Variants in RAD18 observed in about 807,000 individuals in gnomAD.
RAD18 encodes RAD18 E3 ubiquitin protein ligase.
In RAD18, 47 loss-of-function variants were observed where a neutral mutation model predicts 60.4. That is an observed-to-expected ratio of 0.78 (90% CI 0.62 to 0.99). RAD18 has a LOEUF of 0.99. Ranked by LOEUF, RAD18 falls within the 50% of genes least tolerant of loss-of-function variation. The pLI, the probability that RAD18 is intolerant of heterozygous loss-of-function variation, is 0.00. For missense variants in RAD18, 640 were observed against 593.3 expected, an observed-to-expected ratio of 1.08 and a Z score of -0.82; for synonymous variants, 225 against 195.5, an observed-to-expected ratio of 1.15 and a Z score of -1.26.
At chr3:8,918,196 T>C (rs531997189) in intron 7 of RAD18, among the ~76,000 whole-genome samples, 1 of 151,800 alleles carries the variant, frequency 6.6e-6, no homozygotes, top group East Asian at 2.0e-4. Flanking sequence ...CTCATGCCTG[T>C]AGTCCCAGCT....
chr3:8,949,648 C>T (rs1940897476), intron 2 of RAD18, among the ~76,000 whole-genome samples: 1 of 151,454 alleles, frequency 6.6e-6, no homozygotes, highest in Non-Finnish European at 1.5e-5. Flanking sequence ...ACAGGGCAAA[C>T]TGCTCTCCCC....
In RAD18 at chr3:8,881,357, T is replaced by C. The variant is rs373218575; in HGVS notation, c.1488A>G (p.Ter496=). ...IEPRNKRNRN[*] Reference sequence around the variant, plus strand: ...TTTGAAAAGTCAGCAAAAGCCCACATTAATTCCTATTACGCTTGTTTCTTG... The same window carrying C: ...TTTGAAAAGTCAGCAAAAGCCCACACTAATTCCTATTACGCTTGTTTCTTG... The change falls in exon 13 of 13, where the codon TAA becomes TAG. Residue 496 remains the stop codon, a stop_retained_variant. Transcript: ENST00000264926. The C allele has an allele frequency of 1.9e-6, 3 of 1,596,154 alleles. No homozygotes were observed. Among genetic ancestry groups the C allele is most frequent in the Non-Finnish European group, 2.6e-6 (3 of 1,164,430 alleles).
intron 11 of RAD18, among the ~76,000 whole-genome samples, chr3:8,896,147 C>T (rs917854561): frequency 2.0e-5 from 3 of 152,190 alleles, no homozygotes; most frequent in Non-Finnish European, 4.4e-5. Flanking sequence ...GGTTTTCTGT[C>T]CAGGAGACAT....
intron 7 of RAD18, among the ~76,000 whole-genome samples, chr3:8,934,155 C>T (rs961986476): frequency 7.2e-5 from 11 of 152,062 alleles, no homozygotes; most frequent in Non-Finnish European, 7.4e-5. Context: ...CCAGATAAAC[C>T]GTACATCAAA....
chr3:8,910,173 G>A (rs867498400), intron 9 of RAD18, among the ~76,000 whole-genome samples: 2 of 152,186 alleles, frequency 1.3e-5, no homozygotes, highest in African/African-American at 4.8e-5. Flanking sequence ...TAGGAGAGAC[G>A]TTCTTGAGAA....
intron 7 of RAD18, among the ~76,000 whole-genome samples, chr3:8,932,416 C>T (rs1371254902): frequency 1.3e-5 from 2 of 152,122 alleles, no homozygotes; most frequent in Non-Finnish European, 2.9e-5. Context: ...AGACAGCAGA[C>T]ACCACTAGTC....
intron 6 of RAD18, among the ~76,000 whole-genome samples, chr3:8,936,519 T>G (rs1940655420): frequency 6.6e-6 from 1 of 152,214 alleles, no homozygotes; most frequent in Non-Finnish European, 1.5e-5. Flanking sequence ...CTTAGTGAGT[T>G]TTAATTCATT....
At chr3:8,917,609 T>C (rs764130923) in intron 7 of RAD18, among the ~76,000 whole-genome samples, 1 of 151,820 alleles carries the variant, frequency 6.6e-6, no homozygotes, top group Non-Finnish European at 1.5e-5. Context: ...CTGCAAACCC[T>C]AGAGAGAACA....
Position 8,948,583 on chromosome 3 carries a change from A to C in RAD18, c.134-13T>G. On this transcript the variant is annotated splice_polypyrimidine_tract_variant and intron_variant, in intron 2 of 12. Transcript: ENST00000264926. ...CAGAGAGAGCAGTCTGCAAAACACA[A>C]AGTGCAACATAATGTTAATTAAGCT... 1 of 1,597,180 alleles carries C rather than the reference A, an allele frequency of 6.3e-7. No homozygotes were observed. Among genetic ancestry groups the C allele is most frequent in the African/African-American group, 1.3e-5 (1 of 74,624 alleles).
At chr3:8,889,926 G>A (rs1229725593) in intron 12 of RAD18, among the ~76,000 whole-genome samples, 1 of 152,114 alleles carries the variant, frequency 6.6e-6, no homozygotes, top group Non-Finnish European at 1.5e-5. Context: ...ACCTTTTCCA[G>A]GTTTAGATAC....
intron 9 of RAD18, among the ~76,000 whole-genome samples, chr3:8,906,797 T>TTTG (rs1553625089): frequency 6.6e-6 from 1 of 150,436 alleles, no homozygotes; most frequent in Non-Finnish European, 1.5e-5. Context: ...GGAAACAGTT[T>TTTG]TTTTTTTTTT....
chr3:8,917,405 T>C (rs1940223294), intron 7 of RAD18, among the ~76,000 whole-genome samples: 1 of 152,168 alleles, frequency 6.6e-6, no homozygotes, highest in South Asian at 2.1e-4. Context: ...AATATACTTT[T>C]TTCTCGTTTT....
chr3:8,938,807 C>T (rs1475575441), intron 6 of RAD18, among the ~76,000 whole-genome samples: 1 of 152,194 alleles, frequency 6.6e-6, no homozygotes, highest in Non-Finnish European at 1.5e-5. Flanking sequence ...CCCTTCATCA[C>T]CAGACTCATC....
chr3:8,963,350 G>C lies in RAD18; in HGVS notation c.36C>G (p.Gly12=), dbSNP rs112870242. ...DSLAESRWPP[G]LAVMKTIDDL... Reference sequence around the variant, plus strand: ...AAGCACTCACCTTCATGACTGCCAGGCCCGGAGGCCACCGAGACTCGGCCA... The same window carrying C: ...AAGCACTCACCTTCATGACTGCCAGCCCCGGAGGCCACCGAGACTCGGCCA... Residue 12 remains glycine (G), a synonymous_variant, in exon 1 of 13, where the codon GGC becomes GGG. Coordinates refer to ENST00000264926, the MANE Select transcript of RAD18 (RefSeq NM_020165.4). 1.2e-6 allele frequency: 2 copies of C among 1,609,892 alleles called. No homozygotes were observed. The highest frequency in any genetic ancestry group is 8.5e-7 in the Non-Finnish European group (1 of 1,178,076).
Position 8,881,426 on chromosome 3 carries a change from T to C in RAD18, c.1419A>G (p.Arg473=). 1 of 1,612,472 alleles carries C rather than the reference T, an allele frequency of 6.2e-7. No homozygotes were observed. Among genetic ancestry groups the C allele is most frequent in the Middle Eastern group, 1.7e-4 (1 of 6,058 alleles). The stretch of plus-strand genomic sequence containing the variant: ...CAGCGGCTCTTGTGCGGCGATTCTG[T>C]CTTGGACTTATTTCTGTGTCTTGAA... ...NDLQDTEISP[R]QNRRTRAAES... The change falls in exon 13 of 13, where the codon AGA becomes AGG. Residue 473 remains arginine, a synonymous_variant. Transcript: ENST00000264926.
chr3:8,909,602 C>A (rs1236395903), intron 9 of RAD18, among the ~76,000 whole-genome samples: 1 of 151,870 alleles, frequency 6.6e-6, no homozygotes, highest in Admixed American at 6.6e-5. Context: ...TAGAAAACAG[C>A]GGAAGAATAC....
chr3:8,912,840 G>A (rs180749233), intron 8 of RAD18, among the ~76,000 whole-genome samples: 117 of 152,132 alleles, frequency 7.7e-4, no homozygotes, highest in Non-Finnish European at 2.4e-4. Flanking sequence ...AAGCCTCTAG[G>A]TCCACTTTTT....
intron 11 of RAD18, among the ~76,000 whole-genome samples, chr3:8,893,534 T>C (rs1377746231): frequency 1.3e-5 from 2 of 152,130 alleles, no homozygotes; most frequent in Non-Finnish European, 2.9e-5. Context: ...CAATAGCTTA[T>C]ATGCCAAATA....
intron 4 of RAD18, among the ~76,000 whole-genome samples, chr3:8,945,765 C>T (rs774373747): frequency 2.3e-4 from 35 of 151,878 alleles, no homozygotes; most frequent in Non-Finnish European, 4.1e-4. Flanking sequence ...CCACCAAGCC[C>T]GGCCTCCATC....
Sources: allele counts gnomAD v4.1 joint callset (sites outside exome capture counted in the v4.1 genomes callset), GRCh38; gene constraint gnomAD v4.1.1; transcripts MANE v1.5; gene names NCBI Gene and HGNC (gene_info 2026-07-23, HGNC 2026-07-21).